Variants in CIMIP3 observed in about 807,000 individuals in gnomAD.
CIMIP3 encodes GUCA1A neighbor.
the CIMIP3 span, among the ~76,000 whole-genome samples, chr6:42,161,657 G>A: frequency 0.071 from 10,735 of 152,166 alleles, 538 homozygotes; most frequent in African/African-American, 0.14. Flanking sequence ...ACCAAGAGTG[G>A]TGGTTAGGAC....
the CIMIP3 span, among the ~76,000 whole-genome samples, chr6:42,158,378 A>G: frequency 0.68 from 102,962 of 151,982 alleles, 35,631 homozygotes; most frequent in East Asian, 0.86. Flanking sequence ...CTCTTCCCCT[A>G]GACTGTCTGT....
chr6:42,163,181 C>T, the CIMIP3 span: 6 of 615,420 alleles, frequency 9.7e-6, no homozygotes, highest in Non-Finnish European at 1.5e-5. Flanking sequence ...CCTGTACCGC[C>T]GGGACACTGA....
the CIMIP3 span, among the ~76,000 whole-genome samples, chr6:42,162,090 CTTTTTTT>C: frequency 9.5e-5 from 6 of 63,082 alleles, no homozygotes; most frequent in African/African-American, 2.9e-4. Context: ...AAGCCACATT[CTTTTTTT>C]TTTTTTTTTT....
At chr6:42,156,791 C>T in the CIMIP3 span, among the ~76,000 whole-genome samples, 4 of 152,220 alleles carry the variant, frequency 2.6e-5, no homozygotes, top group Non-Finnish European at 5.9e-5. Context: ...TGCCCAAGGT[C>T]GCCTGACCTG....
At chr6:42,159,562 A>T in the CIMIP3 span, among the ~76,000 whole-genome samples, 1 of 152,130 alleles carries the variant, frequency 6.6e-6, no homozygotes, top group African/African-American at 2.4e-5. Context: ...AGCAGTCAAA[A>T]TCCCACAGTG....
chr6:42,157,639 C>T, the CIMIP3 span, among the ~76,000 whole-genome samples: 2 of 151,938 alleles, frequency 1.3e-5, no homozygotes, highest in East Asian at 1.9e-4. Flanking sequence ...ATCCTCCTGC[C>T]TTGGCCTCCC....
the CIMIP3 span, chr6:42,155,558 G>A: frequency 1.4e-6 from 1 of 717,482 alleles, no homozygotes; most frequent in South Asian, 1.5e-5. Context: ...GAAAGAGCAT[G>A]AAAGCCCCAG....
the CIMIP3 span, among the ~76,000 whole-genome samples, chr6:42,162,274 C>T: frequency 6.0e-5 from 9 of 150,350 alleles, no homozygotes; most frequent in South Asian, 2.1e-4. Context: ...ATTAGCCGGG[C>T]GTGGTGGCGG....
At chr6:42,157,974 C>T in the CIMIP3 span, among the ~76,000 whole-genome samples, 1 of 152,194 alleles carries the variant, frequency 6.6e-6, no homozygotes, top group Admixed American at 6.5e-5. Context: ...ATAGCAGCAT[C>T]CCTGTCTCCT....
the CIMIP3 span, among the ~76,000 whole-genome samples, chr6:42,156,150 C>T: frequency 8.4e-4 from 127 of 152,032 alleles, 1 homozygote; most frequent in African/African-American, 2.9e-3. Context: ...CCTGCCACCA[C>T]GCCCGGCTAA....
chr6:42,162,844 C>T, the CIMIP3 span: 1 of 576,726 alleles, frequency 1.7e-6, no homozygotes, highest in Non-Finnish European at 3.2e-6. Context: ...TCTTTCTCCT[C>T]CCTTCTGCCC....
At chr6:42,157,145 T>C in the CIMIP3 span, among the ~76,000 whole-genome samples, 1 of 152,230 alleles carries the variant, frequency 6.6e-6, no homozygotes, top group African/African-American at 2.4e-5. Context: ...GACAAACGCA[T>C]ATTAGTATAT....
chr6:42,159,847 G>T, the CIMIP3 span, among the ~76,000 whole-genome samples: 95,078 of 152,132 alleles, frequency 0.62, 29,992 homozygotes, highest in South Asian at 0.7. Flanking sequence ...ACCCTGGACA[G>T]GGGACTGACC....
the CIMIP3 span, among the ~76,000 whole-genome samples, chr6:42,155,930 C>G: frequency 0.69 from 105,137 of 152,060 alleles, 36,604 homozygotes; most frequent in East Asian, 0.86. Context: ...CATTATACTT[C>G]GGAAAATTGA....
At chr6:42,156,306 CTT>C in the CIMIP3 span, among the ~76,000 whole-genome samples, 31 of 137,036 alleles carry the variant, frequency 2.3e-4, no homozygotes, top group Middle Eastern at 7.7e-3. Flanking sequence ...ATTTTTTTTT[CTT>C]TTTTTTTTTT....
the CIMIP3 span, among the ~76,000 whole-genome samples, chr6:42,160,546 C>A: frequency 6.6e-6 from 1 of 152,188 alleles, no homozygotes; most frequent in Non-Finnish European, 1.5e-5. Flanking sequence ...TAAGATGAGA[C>A]GAGACTGCAG....
chr6:42,160,044 G>A, the CIMIP3 span, among the ~76,000 whole-genome samples: 1 of 152,144 alleles, frequency 6.6e-6, no homozygotes, highest in Non-Finnish European at 1.5e-5. Context: ...GGAGTGCAGT[G>A]GTGTGATCAC....
the CIMIP3 span, among the ~76,000 whole-genome samples, chr6:42,156,520 G>T: frequency 6.6e-6 from 1 of 151,970 alleles, no homozygotes; most frequent in Admixed American, 6.6e-5. Context: ...GGAAGCTGAG[G>T]CCTACCCCCG....
chr6:42,162,090 CTTTTTTTTTTTTTTTT>C, the CIMIP3 span, among the ~76,000 whole-genome samples: 15,039 of 63,712 alleles, frequency 0.24, 1,155 homozygotes, highest in Middle Eastern at 0.31. Flanking sequence ...AAGCCACATT[CTTTTTTTTTTTTTTTT>C]TTTTTTTTTT....
Sources: gnomAD v4.1 joint callset for allele counts (sites outside exome capture counted in the v4.1 genomes callset) on GRCh38, gnomAD v4.1.1 for gene constraint, MANE v1.5 for transcripts, NCBI Gene and HGNC (gene_info 2026-07-23, HGNC 2026-07-21) for gene names.